The following RGL1 variants were observed in gnomAD, a reference collection of about 807,000 sequenced individuals.
The protein encoded by RGL1 is ral guanine nucleotide dissociation stimulator-like 1.
In RGL1, 24 loss-of-function variants were observed where a neutral mutation model predicts 95.2. The ratio of observed to expected loss-of-function variants is 0.25; its 90% CI spans 0.18 to 0.35. The LOEUF (loss-of-function observed/expected upper bound fraction) is 0.35. Among genes scored for constraint, RGL1 ranks in the 10% least tolerant of loss-of-function variants. RGL1 has a pLI of 1.00. For synonymous variants in RGL1, 329 were observed against 344.9 expected, an observed-to-expected ratio of 0.95 and a Z score of 0.51; for missense variants, 715 against 936.3, an observed-to-expected ratio of 0.76 and a Z score of 3.08.
At chr1:183,663,644 A>G (rs999395446) in intron 1 of RGL1, among the ~76,000 whole-genome samples, 1 of 151,976 alleles carries the variant, frequency 6.6e-6, no homozygotes, top group Non-Finnish European at 1.5e-5. Flanking sequence ...CCCTTGTGGA[A>G]GTCAGTGTGG....
At chr1:183,702,264 C>T (rs2148626) in intron 1 of RGL1, among the ~76,000 whole-genome samples, 3 of 151,822 alleles carry the variant, frequency 2.0e-5, no homozygotes, top group Admixed American at 6.6e-5. Flanking sequence ...TGGTGAATTA[C>T]GCCCAACTGC....
intron 4 of RGL1, among the ~76,000 whole-genome samples, chr1:183,873,599 G>A (rs1033469721): frequency 1.1e-4 from 17 of 152,092 alleles, no homozygotes; most frequent in South Asian, 6.2e-4. Flanking sequence ...ATTTTTCTCC[G>A]CATTTGCCTA....
At chr1:183,916,189 T>G (rs1668956376) in intron 15 of RGL1, among the ~76,000 whole-genome samples, 1 of 152,132 alleles carries the variant, frequency 6.6e-6, no homozygotes, top group Admixed American at 6.5e-5. Context: ...TAAGAACAGC[T>G]AAAACCTAGG....
intron 14 of RGL1, among the ~76,000 whole-genome samples, chr1:183,910,931 A>G (rs539036865): frequency 6.6e-6 from 1 of 152,358 alleles, no homozygotes; most frequent in Non-Finnish European, 1.5e-5. Context: ...TGGATGAATA[A>G]GCACATTATT....
chr1:183,653,487 C>A (rs1650918533), intron 1 of RGL1, among the ~76,000 whole-genome samples: 1 of 152,198 alleles, frequency 6.6e-6, no homozygotes, highest in Non-Finnish European at 1.5e-5. Flanking sequence ...GAACATGTTG[C>A]AGTTTTTCTC....
At position 183,912,070 on chromosome 1, in the gene RGL1, G is replaced by GT. The variant is rs745524183; in HGVS notation, c.1563-5dup. The GT allele has an allele frequency of 1.2e-5, 20 of 1,608,062 alleles. No individual in the cohort carries two copies. Among genetic ancestry groups the GT allele is most frequent in the Non-Finnish European group, 1.6e-5 (19 of 1,176,130 alleles). ...TAACAGCCCAAATGCTTGGCATTCT[G>GT]TTTTTTTCCAGACTGTTTCTAGGGT... On this transcript the variant is annotated splice_polypyrimidine_tract_variant and intron_variant, in intron 14 of 17. Transcript: ENST00000360851.
chr1:183,898,228 C>T (rs1308305193), intron 10 of RGL1, among the ~76,000 whole-genome samples: 1 of 152,208 alleles, frequency 6.6e-6, no homozygotes, highest in Non-Finnish European at 1.5e-5. Flanking sequence ...GAAGCTGCTC[C>T]ACCTTGGCCT....
At chr1:183,782,291 G>C (rs541302067) in intron 2 of RGL1, among the ~76,000 whole-genome samples, 1 of 152,090 alleles carries the variant, frequency 6.6e-6, no homozygotes, top group Non-Finnish European at 1.5e-5. Context: ...TGCCAACTCT[G>C]CTGCCTTTAC....
intron 1 of RGL1, among the ~76,000 whole-genome samples, chr1:183,676,634 C>T (rs1365363983): frequency 6.7e-6 from 1 of 150,000 alleles, no homozygotes; most frequent in Non-Finnish European, 1.5e-5. Flanking sequence ...CACTTCACTG[C>T]ATTTTAATGC....
intron 1 of RGL1, among the ~76,000 whole-genome samples, chr1:183,734,743 A>G: frequency 6.6e-6 from 1 of 152,356 alleles, no homozygotes; most frequent in Middle Eastern, 3.4e-3. Flanking sequence ...CCAGCAACAT[A>G]ATTACTGAAC....
At chr1:183,699,132 G>C (rs893154099) in intron 1 of RGL1, among the ~76,000 whole-genome samples, 6 of 152,252 alleles carry the variant, frequency 3.9e-5, no homozygotes, top group African/African-American at 1.4e-4. Context: ...CAGAGGCAGG[G>C]AAGCCTGGTC....
intron 4 of RGL1, among the ~76,000 whole-genome samples, chr1:183,873,914 G>A (rs1454848994): frequency 6.6e-6 from 1 of 152,176 alleles, no homozygotes; most frequent in African/African-American, 2.4e-5. Flanking sequence ...GTGCCTCGTA[G>A]CATCTGTCAC....
chr1:183,675,294 T>C (rs75398697), intron 1 of RGL1, among the ~76,000 whole-genome samples: 3 of 117,340 alleles, frequency 2.6e-5, no homozygotes. Context: ...TTCTATATGG[T>C]TTTTTTTTTT....
chr1:183,657,821 G>C (rs887553868), intron 1 of RGL1, among the ~76,000 whole-genome samples: 1 of 151,776 alleles, frequency 6.6e-6, no homozygotes, highest in Non-Finnish European at 1.5e-5. Context: ...TGGGATGGCT[G>C]GGTCAAATGG....
chr1:183,663,830 T>C (rs1374135350), intron 1 of RGL1, among the ~76,000 whole-genome samples: 1 of 150,916 alleles, frequency 6.6e-6, no homozygotes, highest in African/African-American at 2.5e-5. Flanking sequence ...CCAACAACGA[T>C]AGACTGGATT....
intron 2 of RGL1, among the ~76,000 whole-genome samples, chr1:183,785,400 T>A (rs1474605042): frequency 6.6e-6 from 1 of 152,238 alleles, no homozygotes; most frequent in Non-Finnish European, 1.5e-5. Flanking sequence ...AGGTCTCAGC[T>A]GTAGGCATAC....
At chr1:183,670,987 A>G (rs1479923775) in intron 1 of RGL1, among the ~76,000 whole-genome samples, 1 of 152,226 alleles carries the variant, frequency 6.6e-6, no homozygotes, top group African/African-American at 2.4e-5. Context: ...TCAGTTCTGC[A>G]TGGCTGGGGA....
intron 9 of RGL1, 34 bp from the exon 10 acceptor site, chr1:183,897,774 A>G (rs773096201): frequency 2.2e-5 from 33 of 1,507,906 alleles, no homozygotes; most frequent in Non-Finnish European, 3.0e-5. Flanking sequence ...GGCATCCTGT[A>G]TCAATTCCCT....
At chr1:183,877,066 G>T (rs931888445) in intron 4 of RGL1, among the ~76,000 whole-genome samples, 1 of 152,134 alleles carries the variant, frequency 6.6e-6, no homozygotes, top group African/African-American at 2.4e-5. Context: ...CAGAGAGGGG[G>T]GTCAGTGGAG....
Sources: allele counts gnomAD v4.1 joint callset (sites outside exome capture counted in the v4.1 genomes callset), GRCh38; gene constraint gnomAD v4.1.1; transcripts MANE v1.5; gene names NCBI Gene and HGNC (gene_info 2026-07-23, HGNC 2026-07-21).